The following POU2AF1 variants were observed in gnomAD, a reference collection of about 807,000 sequenced individuals.
The protein encoded by POU2AF1 is POU class 2 homeobox associating factor 1.
A neutral mutation model predicts 26.3 loss-of-function variants in POU2AF1; 12 were observed. That is an observed-to-expected ratio of 0.46 (90% CI 0.29 to 0.74). POU2AF1 has a LOEUF of 0.74. POU2AF1 is among the 30% of genes least tolerant of loss of function. POU2AF1 has a pLI of 0.09. For missense variants in POU2AF1, 297 were observed against 334.5 expected, an observed-to-expected ratio of 0.89 and a Z score of 0.87; for synonymous variants, 175 against 148.0, an observed-to-expected ratio of 1.18 and a Z score of -1.32.
rs11213857 is a variant in POU2AF1 at position 111,364,719 on chromosome 11, G to A, written c.17-5801C>T. Among the ~76,000 whole-genome samples the A allele has an allele frequency of 6.6e-3, 1,010 of 152,350 alleles. 13 individuals are homozygous for A. The highest frequency in any genetic ancestry group is 0.023 in the African/African-American group (962 of 41,578). ...TGCTCTAATGGCGAGGTGGGCTGCA[G>A]GATAAGCATGCATTTCCGTCCCACC... On this transcript the variant is annotated intron_variant, in intron 1 of 4. Coordinates refer to ENST00000393067, the MANE Select transcript of POU2AF1 (RefSeq NM_006235.3).
chr11:111,374,788 A>G (rs1861277470), intron 1 of POU2AF1, among the ~76,000 whole-genome samples: 1 of 152,264 alleles, frequency 6.6e-6, no homozygotes, highest in Non-Finnish European at 1.5e-5. Context: ...AACATAGAAT[A>G]GAAATATTAG....
chr11:111,354,096 GGGGAAGGAAGAA>G lies in POU2AF1; in HGVS notation c.*153_*164del, dbSNP rs1860792001. 3.0e-6 allele frequency: 2 copies of G among 664,810 alleles called. No homozygotes were observed. Among genetic ancestry groups the G allele is most frequent in the South Asian group, 4.4e-5 (2 of 45,144 alleles). 41.2% of individuals were successfully genotyped at this position (664,810 alleles called of 1,614,324 possible). The stretch of plus-strand genomic sequence containing the variant: ...GGAGAGGGAGGAAGTGAGGGAGGGA[GGGGAAGGAAGAA>G]GGGAAGGAAGGTTTACAGGTCTACA... On this transcript the variant is annotated 3_prime_UTR_variant, in exon 5 of 5. Coordinates refer to ENST00000393067, the MANE Select transcript of POU2AF1 (RefSeq NM_006235.3).
chr11:111,363,702 G>T, intron 1 of POU2AF1: 1 of 526,028 alleles, frequency 1.9e-6, no homozygotes, highest in Non-Finnish European at 2.4e-6. Flanking sequence ...CCAGGAGATT[G>T]AAATAATAAG....
rs1355775449 is a variant in POU2AF1 at position 111,357,899 on chromosome 11, A to T, written c.148-62T>A. The T allele has an allele frequency of 2.0e-6, 3 of 1,494,144 alleles. No homozygotes were observed. The African/African-American group carries it at 4.3e-5, about 21-fold the overall frequency. The allele number at this position is 1,494,144 out of a possible 1,614,324, so 92.6% of individuals were successfully genotyped here. On this transcript the variant is annotated intron_variant, in intron 2 of 4. Coordinates refer to ENST00000393067, the MANE Select transcript of POU2AF1 (RefSeq NM_006235.3). ...GCCCTCGTCAACCGGCCCTGTGCAG[A>T]GAACTTGCCCAGAGGGCCTCAGGGC... is the stretch of plus-strand genomic sequence containing the variant.
At chr11:111,366,600 C>T (rs554403869) in intron 1 of POU2AF1, among the ~76,000 whole-genome samples, 55 of 152,250 alleles carry the variant, frequency 3.6e-4, no homozygotes, top group African/African-American at 1.0e-3. Context: ...AAGACTATTC[C>T]TTCCCATCAG....
chr11:111,376,357 G>T (rs1379598322), intron 1 of POU2AF1, among the ~76,000 whole-genome samples: 7 of 152,200 alleles, frequency 4.6e-5, no homozygotes, highest in Non-Finnish European at 1.0e-4. Flanking sequence ...GTTACTAGCT[G>T]GGGAGGGATG....
chr11:111,362,764 T>TG (rs141207117), intron 1 of POU2AF1, among the ~76,000 whole-genome samples: 18,280 of 152,050 alleles, frequency 0.12, 1,155 homozygotes, highest in Middle Eastern at 0.21. Context: ...TGGGGTTACT[T>TG]GGGGGGGTCT....
intron 1 of POU2AF1, among the ~76,000 whole-genome samples, chr11:111,365,016 GC>G (rs1565364123): frequency 2.0e-5 from 3 of 152,196 alleles, no homozygotes. Context: ...ACCAAAGACA[GC>G]CTTATGAAAA....
intron 1 of POU2AF1, among the ~76,000 whole-genome samples, chr11:111,361,295 G>A (rs1861003913): frequency 6.6e-6 from 1 of 152,176 alleles, no homozygotes; most frequent in Non-Finnish European, 1.5e-5. Flanking sequence ...AGGGGAACCA[G>A]CCTGGTTCTG....
chr11:111,378,054 T>C (rs1861343166), intron 1 of POU2AF1, among the ~76,000 whole-genome samples: 1 of 152,232 alleles, frequency 6.6e-6, no homozygotes, highest in African/African-American at 2.4e-5. Context: ...ATCAGCTTAA[T>C]TCCAGAGAAA....
chr11:111,372,069 C>CAGAGAGAGAGAGAGAGAGAG (rs150182572), intron 1 of POU2AF1, among the ~76,000 whole-genome samples: 8 of 144,308 alleles, frequency 5.5e-5, no homozygotes, highest in Admixed American at 2.0e-4. Flanking sequence ...CACACACACA[C>CAGAGAGAGAGAGAGAGAGAG]AGAGAGAGAG....
intron 1 of POU2AF1, among the ~76,000 whole-genome samples, chr11:111,377,218 A>G (rs527584176): frequency 1.5e-3 from 39 of 25,424 alleles, no homozygotes; most frequent in Non-Finnish European, 4.4e-3. Context: ...CTAAAAATAC[A>G]AAAAAAAAAA....
chr11:111,358,759 C>T lies in POU2AF1; in HGVS notation c.147+29G>A, dbSNP rs771229591. ...ACACATTCTCTTTCACACACACACA[C>T]TCACACTCTCACACACACAAACTCT... On this transcript the variant is annotated intron_variant, in intron 2 of 4. Coordinates refer to ENST00000393067, the MANE Select transcript of POU2AF1 (RefSeq NM_006235.3). 14 of 1,552,174 alleles carry T rather than the reference C, an allele frequency of 9.0e-6. No homozygotes were observed. The South Asian group carries it at 1.4e-4, about 16-fold the overall frequency.
intron 1 of POU2AF1, among the ~76,000 whole-genome samples, chr11:111,362,420 C>T (rs1440158257): frequency 1.3e-5 from 2 of 152,202 alleles, no homozygotes; most frequent in African/African-American, 4.8e-5. Context: ...TTCTATCTAA[C>T]TATATTTTTG....
intron 1 of POU2AF1, among the ~76,000 whole-genome samples, chr11:111,373,120 T>G (rs1861244034): frequency 6.6e-6 from 1 of 152,234 alleles, no homozygotes; most frequent in South Asian, 2.1e-4. Flanking sequence ...CTGTCTTACT[T>G]AAATCTACGT....
chr11:111,354,040 A>C lies in POU2AF1; in HGVS notation c.*221T>G. 1.3e-5 allele frequency: 5 copies of C among 386,922 alleles called. No homozygotes were observed. Among genetic ancestry groups the C allele is most frequent in the South Asian group, 1.2e-4 (4 of 34,150 alleles). The allele number at this position is 386,922 out of a possible 1,614,324, so 24.0% of individuals were successfully genotyped here. A position where few individuals can be genotyped will look rare whatever the true frequency, so the allele number is the denominator to read the frequency against. ...AGGAAGGAAGGGGTTGGAAAGGAAG[A>C]AGGGAGGGAGGGGAAGAATGGAAGG... On this transcript the variant is annotated 3_prime_UTR_variant, in exon 5 of 5. Coordinates refer to ENST00000393067, the MANE Select transcript of POU2AF1 (RefSeq NM_006235.3).
intron 1 of POU2AF1, among the ~76,000 whole-genome samples, chr11:111,364,705 C>T (rs1018984374): frequency 3.9e-5 from 6 of 152,234 alleles, no homozygotes; most frequent in South Asian, 2.1e-4. Flanking sequence ...GCTCTAATGG[C>T]GAGGTGGGCT....
At chr11:111,362,079 A>T (rs1861020488) in intron 1 of POU2AF1, among the ~76,000 whole-genome samples, 1 of 152,146 alleles carries the variant, frequency 6.6e-6, no homozygotes, top group African/African-American at 2.4e-5. Context: ...CCCAGGTACA[A>T]TCTGACGTGT....
intron 1 of POU2AF1, among the ~76,000 whole-genome samples, chr11:111,374,280 A>T (rs1861267871): frequency 1.3e-5 from 2 of 152,170 alleles, no homozygotes; most frequent in African/African-American, 4.8e-5. Flanking sequence ...CATCAAGAAC[A>T]TCATCTGCTT....
Sources: allele counts gnomAD v4.1 joint callset (sites outside exome capture counted in the v4.1 genomes callset), GRCh38; gene constraint gnomAD v4.1.1; transcripts MANE v1.5; gene names NCBI Gene and HGNC (gene_info 2026-07-23, HGNC 2026-07-21).